Variants in GLIS3 observed in about 807,000 individuals in gnomAD.
GLIS3 encodes zinc finger protein GLIS3.
A neutral mutation model predicts 78.6 loss-of-function variants in GLIS3; 53 were observed. The ratio of observed to expected loss-of-function variants is 0.67; its 90% CI spans 0.54 to 0.85. The LOEUF (loss-of-function observed/expected upper bound fraction) is 0.85. Among genes scored for constraint, GLIS3 ranks in the 40% least tolerant of loss-of-function variants. GLIS3 has a pLI of 0.00. For synonymous variants in GLIS3, 684 were observed against 509.9 expected, an observed-to-expected ratio of 1.34 and a Z score of -4.60; for missense variants, 1,703 against 1,231.1, an observed-to-expected ratio of 1.38 and a Z score of -5.74.
chr9:3,887,680 G>C (rs758680468), intron 7 of GLIS3, among the ~76,000 whole-genome samples: 51 of 152,160 alleles, frequency 3.4e-4, no homozygotes, highest in Admixed American at 5.9e-4. Context: ...CTTCTCTGGA[G>C]TACCCTGCAA....
At chr9:4,270,074 C>T (rs10120752) in intron 2 of GLIS3, among the ~76,000 whole-genome samples, 34,119 of 152,148 alleles carry the variant, frequency 0.22, 4,207 homozygotes, top group South Asian at 0.45. Flanking sequence ...CTCTAGACAC[C>T]TCTTATCAGC....
At chr9:4,481,002 GCAC>G in the GLIS3 span, among the ~76,000 whole-genome samples, 3 of 151,996 alleles carry the variant, frequency 2.0e-5, no homozygotes, top group Non-Finnish European at 2.9e-5. Flanking sequence ...CCATGGGCAA[GCAC>G]CACCACACCT....
intron 9 of GLIS3, among the ~76,000 whole-genome samples, chr9:3,831,148 A>G (rs1245292537): frequency 6.6e-6 from 1 of 150,718 alleles, no homozygotes; most frequent in Non-Finnish European, 1.5e-5. Context: ...GAATCAAAAG[A>G]AAAATCCACA....
chr9:4,254,685 C>G (rs188952131), intron 2 of GLIS3, among the ~76,000 whole-genome samples: 5 of 151,736 alleles, frequency 3.3e-5, no homozygotes, highest in Admixed American at 3.3e-4. Context: ...ACTAAAAATA[C>G]AAAAATTAGC....
intron 6 of GLIS3, among the ~76,000 whole-genome samples, chr9:3,916,471 G>A (rs1218027438): frequency 6.6e-6 from 1 of 152,168 alleles, no homozygotes; most frequent in Non-Finnish European, 1.5e-5. Flanking sequence ...TCTCATTGAC[G>A]CCACTCAAAG....
Position 3,932,490 on chromosome 9 carries a change from A to T in GLIS3, c.1873-20T>A. The T allele has an allele frequency of 1.9e-6, 3 of 1,546,524 alleles. No individual in the cohort carries two copies. Among genetic ancestry groups the T allele is most frequent in the Non-Finnish European group, 2.7e-6 (3 of 1,118,370 alleles). ...AGGTTTCTAAATGAGAAAGAAAGAA[A>T]GAAACAGCTGTGGTTAAATCATAAA... On this transcript the variant is annotated intron_variant, in intron 5 of 10. Coordinates refer to ENST00000381971, the MANE Select transcript of GLIS3 (RefSeq NM_001042413.2).
intron 4 of GLIS3, among the ~76,000 whole-genome samples, chr9:3,971,624 C>T (rs1239770255): frequency 6.6e-6 from 1 of 152,180 alleles, no homozygotes; most frequent in Non-Finnish European, 1.5e-5. Flanking sequence ...CTAAGCACAA[C>T]AAACTAACCC....
chr9:3,895,830 G>A lies in GLIS3; in HGVS notation c.2128+2861C>T, dbSNP rs1462475715. On this transcript the variant is annotated intron_variant, in intron 7 of 10. Transcript: ENST00000381971. Reference sequence around the variant, plus strand: ...CAAGTCCTCAATCGTTGTGGCTTCTGAAAGATTATGGTGCTCAATGCCAAA... The same window carrying A: ...CAAGTCCTCAATCGTTGTGGCTTCTAAAAGATTATGGTGCTCAATGCCAAA... Among the ~76,000 whole-genome samples, 3 of 152,176 alleles carry A rather than the reference G, an allele frequency of 2.0e-5. No individual in the cohort carries two copies. In the East Asian group the frequency reaches 5.8e-4, roughly 29 times the overall value.
intron 7 of GLIS3, among the ~76,000 whole-genome samples, chr9:3,892,368 G>C (rs1270765810): frequency 1.3e-5 from 2 of 152,202 alleles, no homozygotes; most frequent in Non-Finnish European, 2.9e-5. Context: ...AATGGTTTGA[G>C]TCACGGCCGG....
At chr9:4,207,996 G>C (rs757356760) in intron 2 of GLIS3, among the ~76,000 whole-genome samples, 5 of 152,222 alleles carry the variant, frequency 3.3e-5, no homozygotes, top group African/African-American at 4.8e-5. Context: ...AAACAGCACA[G>C]TTAGTGTGTG....
chr9:4,468,249 G>A, the GLIS3 span, among the ~76,000 whole-genome samples: 1 of 152,166 alleles, frequency 6.6e-6, no homozygotes, highest in Non-Finnish European at 1.5e-5. Context: ...AACCTAGCAA[G>A]GCTGACCAAC....
chr9:4,177,227 T>C (rs192873344), intron 2 of GLIS3, among the ~76,000 whole-genome samples: 2 of 152,360 alleles, frequency 1.3e-5, no homozygotes, highest in East Asian at 1.9e-4. Context: ...AAAGGATTAT[T>C]TCCCCTTTAT....
At chr9:4,380,636 A>G in the GLIS3 span, among the ~76,000 whole-genome samples, 2 of 152,256 alleles carry the variant, frequency 1.3e-5, no homozygotes, top group African/African-American at 4.8e-5. Context: ...AAATCTGGAT[A>G]TTTAGCAAGC....
intron 2 of GLIS3, among the ~76,000 whole-genome samples, chr9:4,257,715 A>G (rs964215724): frequency 1.3e-5 from 2 of 151,750 alleles, no homozygotes; most frequent in African/African-American, 4.8e-5. Flanking sequence ...CTGGGACTAC[A>G]GGTGCCTGCC....
the GLIS3 span, among the ~76,000 whole-genome samples, chr9:4,420,053 C>A: frequency 6.6e-6 from 1 of 152,152 alleles, no homozygotes; most frequent in African/African-American, 2.4e-5. Flanking sequence ...GAGCAATGTC[C>A]TGAAGCCTGG....
the GLIS3 span, among the ~76,000 whole-genome samples, chr9:4,425,853 T>C: frequency 6.6e-6 from 1 of 152,166 alleles, no homozygotes; most frequent in African/African-American, 2.4e-5. Context: ...TACTTGTGAA[T>C]CTGGAACTTA....
chr9:4,071,339 T>G (rs2130635756), intron 4 of GLIS3: 1 of 152,206 alleles, frequency 6.6e-6, no homozygotes, highest in East Asian at 1.9e-4. Flanking sequence ...CTCTCCCGAT[T>G]TTTCAAGGTA....
At chr9:4,119,609 G>A (rs1007290350) in intron 3 of GLIS3, among the ~76,000 whole-genome samples, 1 of 152,054 alleles carries the variant, frequency 6.6e-6, no homozygotes, top group African/African-American at 2.4e-5. Flanking sequence ...AGAGCCATTC[G>A]GGATTTAATC....
At chr9:3,868,269 A>G (rs1429937255) in intron 8 of GLIS3, among the ~76,000 whole-genome samples, 3 of 152,212 alleles carry the variant, frequency 2.0e-5, no homozygotes, top group Non-Finnish European at 4.4e-5. Context: ...AGTCATATCC[A>G]AGTTTTCTCA....
Sources: gnomAD v4.1 joint callset for allele counts (sites outside exome capture counted in the v4.1 genomes callset) on GRCh38, gnomAD v4.1.1 for gene constraint, MANE v1.5 for transcripts, NCBI Gene and HGNC (gene_info 2026-07-23, HGNC 2026-07-21) for gene names.